The following DDX23 variants were observed in gnomAD, a reference collection of about 807,000 sequenced individuals.
The protein encoded by DDX23 is probable ATP-dependent RNA helicase DDX23.
DDX23 carries 33 observed loss-of-function variants against 102.7 expected under a neutral mutation model. The ratio of observed to expected loss-of-function variants is 0.32; its 90% CI spans 0.24 to 0.43. The LOEUF (loss-of-function observed/expected upper bound fraction) is 0.43, where lower values mean the gene tolerates loss of function less well. Ranked by LOEUF, DDX23 falls within the 20% of genes least tolerant of loss-of-function variation. The pLI is 1.00. For synonymous variants in DDX23, 352 were observed against 376.0 expected, an observed-to-expected ratio of 0.94 and a Z score of 0.74; for missense variants, 549 against 1,086.6, an observed-to-expected ratio of 0.51 and a Z score of 6.96.
At chr12:48,839,716 A>G in intron 5 of DDX23, 128 bp downstream of exon 5, 1 of 895,846 alleles carries the variant, frequency 1.1e-6, no homozygotes, top group South Asian at 1.7e-5. Context: ...AACCCTGCTG[A>G]CACTCCGCTC....
In DDX23 at chr12:48,836,143, T is replaced by C. The variant is rs1443663145; in HGVS notation, c.1360A>G (p.Thr454Ala). 6.2e-7 allele frequency: 1 copy of C among 1,613,042 alleles called. No individual in the cohort carries two copies. The part of the protein sequence containing the change: ...AFLIPLLVWI[T>A]TLPKIDRIEE... ...CACCTGTCAATTTTGGGAAGTGTGGTGATCCAGACCAGCAGAGGGATGAGG... is the reference window on the plus strand; with the variant it reads ...CACCTGTCAATTTTGGGAAGTGTGGCGATCCAGACCAGCAGAGGGATGAGG... The change falls in exon 11 of 17, where the codon ACC (threonine) becomes GCC (alanine). Residue 454 changes from threonine (T) to alanine (A), a missense_variant. Around this residue, in one of 4 missense-constraint regions of DDX23, gnomAD observed 270 missense variants for 707.0 expected, o/e 0.38. Coordinates refer to ENST00000308025, the MANE Select transcript of DDX23 (RefSeq NM_004818.3). The surrounding 1 kb of genome is among the most constrained non-coding windows in gnomAD (Gnocchi z 6.1).
At position 48,841,382 on chromosome 12, in the gene DDX23, A is replaced by G. The variant is rs192907990; in HGVS notation, c.321-1276T>C. ...GCCTGGGCAACAGAACAAAAACTCC[A>G]TCTCAAAAAAACCCCCAAAGATTCA... On this transcript the variant is annotated intron_variant, in intron 3 of 16. Transcript: ENST00000308025. Among the ~76,000 whole-genome samples the G allele has an allele frequency of 5.9e-4, 90 of 152,242 alleles. 1 individual carries two copies. The highest frequency in any genetic ancestry group is 1.2e-3 in the South Asian group (6 of 4,822).
At chr12:48,844,979 C>T (rs1465318299) in intron 2 of DDX23, among the ~76,000 whole-genome samples, 2 of 151,206 alleles carry the variant, frequency 1.3e-5, no homozygotes, top group Non-Finnish European at 2.9e-5. Flanking sequence ...GTGGAGAAAC[C>T]CCGTCTCTAC....
intron 5 of DDX23, among the ~76,000 whole-genome samples, chr12:48,838,558 A>C (rs1390366225): frequency 1.3e-5 from 2 of 151,976 alleles, no homozygotes; most frequent in Non-Finnish European, 2.9e-5. Flanking sequence ...TTTAAAAAAA[A>C]AAAAAAAATG....
chr12:48,843,295 TAA>T (rs1042555081), intron 3 of DDX23, among the ~76,000 whole-genome samples: 1 of 135,956 alleles, frequency 7.4e-6, no homozygotes, highest in Non-Finnish European at 1.6e-5. Context: ...AATGATCAAT[TAA>T]AAAAAAAAAA....
In DDX23 at chr12:48,833,849, G is replaced by C. The variant is rs558177787; in HGVS notation, c.1561-330C>G. Among the ~76,000 whole-genome samples the C allele has an allele frequency of 5.9e-5, 9 of 152,184 alleles. No homozygotes were observed. In the East Asian group the frequency reaches 1.7e-3, roughly 29 times the overall value. On this transcript the variant is annotated intron_variant, in intron 12 of 16. Coordinates refer to ENST00000308025, the MANE Select transcript of DDX23 (RefSeq NM_004818.3). ...GAGAGACTAAGGGGTACTATGAAGG[G>C]GGTTGTATAAAGACTAAATTTTTTT...
intron 5 of DDX23, 177 bp downstream of exon 5, chr12:48,839,667 A>G (rs1324749073): frequency 1.6e-6 from 1 of 619,694 alleles, no homozygotes; most frequent in Non-Finnish European, 2.8e-6. Flanking sequence ...GAGGAAGAAG[A>G]CAGCCTTATA....
At chr12:48,837,695 TG>T in intron 6 of DDX23, 38 bp from the exon 7 acceptor site, 1 of 1,611,256 alleles carries the variant, frequency 6.2e-7, no homozygotes, top group Non-Finnish European at 8.5e-7. Flanking sequence ...GAAGAGCTCA[TG>T]GAAGAAAAGA....
intron 2 of DDX23, 135 bp from the exon 3 acceptor site, chr12:48,844,185 A>T (rs1192117382): frequency 1.2e-6 from 1 of 827,448 alleles, no homozygotes. Context: ...TCACGGAAAT[A>T]ACGAGGGAAT....
At position 48,830,776 on chromosome 12, in the gene DDX23, T is replaced by C; in HGVS notation, c.2240-84A>G. 7.4e-7 allele frequency: 1 copy of C among 1,350,046 alleles called. No individual in the cohort carries two copies. Among genetic ancestry groups the C allele is most frequent in the Non-Finnish European group, 1.0e-6 (1 of 983,324 alleles). 83.6% of individuals were successfully genotyped at this position (1,350,046 alleles called of 1,614,324 possible). ...GATGCCTCCACTTCTAGAGGCATCC[T>C]TCCCACCCCATCTCCAAAGGCAGGA... On this transcript the variant is annotated intron_variant, in intron 16 of 16. Coordinates refer to ENST00000308025, the MANE Select transcript of DDX23 (RefSeq NM_004818.3). The surrounding 1 kb of genome is among the most constrained non-coding windows in gnomAD (Gnocchi z 4.9).
chr12:48,839,657 G>T, intron 5 of DDX23, 187 bp downstream of exon 5: 1 of 587,222 alleles, frequency 1.7e-6, no homozygotes, highest in Non-Finnish European at 3.0e-6. Flanking sequence ...GTGAAGAGCT[G>T]AGGAAGAAGA....
At chr12:48,845,875 G>A in intron 1 of DDX23, 93 bp from the exon 2 acceptor site, 1 of 1,333,110 alleles carries the variant, frequency 7.5e-7, no homozygotes, top group South Asian at 1.3e-5. Flanking sequence ...ACCCTATGAG[G>A]TGGATATATT....
intron 2 of DDX23, 42 bp downstream of exon 2, chr12:48,845,532 G>A (rs548581494): frequency 6.8e-6 from 11 of 1,606,196 alleles, no homozygotes; most frequent in African/African-American, 1.3e-5. Context: ...AATCTGAAAC[G>A]TACTCTCCCT....
chr12:48,846,409 G>C (rs554862000), intron 1 of DDX23, among the ~76,000 whole-genome samples: 18 of 152,128 alleles, frequency 1.2e-4, no homozygotes, highest in Middle Eastern at 3.2e-3. Flanking sequence ...TGCTTACTTT[G>C]AAGTTTATTA....
In DDX23 at chr12:48,837,056, A is replaced by G; in HGVS notation, c.867-19T>C. 1.2e-6 allele frequency: 2 copies of G among 1,612,938 alleles called. No individual in the cohort carries two copies. Among genetic ancestry groups the G allele is most frequent in the South Asian group, 2.2e-5 (2 of 91,070 alleles). On this transcript the variant is annotated intron_variant, in intron 8 of 16. Transcript: ENST00000308025. Reference sequence around the variant, plus strand: ...TTTGTACCTGGGATTGAGATAGAGGAAAAGAAAAAAGAAGGAGCTGTTAAC... The same window carrying G: ...TTTGTACCTGGGATTGAGATAGAGGGAAAGAAAAAAGAAGGAGCTGTTAAC...
intron 7 of DDX23, 23 bp downstream of exon 7, chr12:48,837,501 G>C (rs1018261028): frequency 1.2e-6 from 2 of 1,613,826 alleles, no homozygotes; most frequent in Non-Finnish European, 1.7e-6. Context: ...GGAGAGAAGT[G>C]AAGATGGAGC....
At chr12:48,841,903 C>T (rs1355537993) in intron 3 of DDX23, among the ~76,000 whole-genome samples, 2 of 151,492 alleles carry the variant, frequency 1.3e-5, no homozygotes, top group Admixed American at 6.6e-5. Flanking sequence ...AAGTGAGGAG[C>T]GTCTCTGCCA....
chr12:48,846,782 G>A (rs924234046), intron 1 of DDX23, among the ~76,000 whole-genome samples: 1 of 152,090 alleles, frequency 6.6e-6, no homozygotes, highest in Admixed American at 6.6e-5. Context: ...TCACAACCTT[G>A]GTCATCTGCA....
intron 4 of DDX23, 33 bp from the exon 5 acceptor site, chr12:48,839,942 G>GCT: frequency 3.1e-6 from 5 of 1,613,650 alleles, no homozygotes; most frequent in Non-Finnish European, 4.2e-6. Context: ...GTCTATAAAG[G>GCT]CTCTCTCCCT....
Sources: allele counts gnomAD v4.1 joint callset (sites outside exome capture counted in the v4.1 genomes callset), GRCh38; gene constraint gnomAD v4.1.1; regional missense constraint gnomAD v4.1.1; non-coding constraint Gnocchi (gnomAD v3.1); transcripts MANE v1.5; gene names NCBI Gene and HGNC (gene_info 2026-07-23, HGNC 2026-07-21).